Variants in SESN3 observed in about 807,000 individuals in gnomAD.
SESN3 encodes sestrin 3.
A neutral mutation model predicts 55.3 loss-of-function variants in SESN3; 21 were observed. That is an observed-to-expected ratio of 0.38 (90% CI 0.27 to 0.55). The LOEUF (loss-of-function observed/expected upper bound fraction) is 0.55. Among genes scored for constraint, SESN3 ranks in the 20% least tolerant of loss-of-function variants. The pLI is 0.76. For synonymous variants in SESN3, 181 were observed against 203.1 expected, an observed-to-expected ratio of 0.89 and a Z score of 0.93; for missense variants, 408 against 604.3, an observed-to-expected ratio of 0.68 and a Z score of 3.41.
intron 8 of SESN3, among the ~76,000 whole-genome samples, chr11:95,177,431 C>T (rs1256617089): frequency 6.6e-6 from 1 of 152,100 alleles, no homozygotes; most frequent in Non-Finnish European, 1.5e-5. Flanking sequence ...ACCTGTTCTT[C>T]CAGGAAGGAT....
intron 1 of SESN3, among the ~76,000 whole-genome samples, chr11:95,227,242 T>G (rs1261253885): frequency 2.6e-5 from 4 of 151,798 alleles, no homozygotes; most frequent in African/African-American, 9.7e-5. Context: ...CAGGCTGCAG[T>G]GCAGTGGCGT....
At chr11:95,180,453 C>T (rs763519200) in intron 6 of SESN3, among the ~76,000 whole-genome samples, 9 of 152,026 alleles carry the variant, frequency 5.9e-5, no homozygotes, top group Non-Finnish European at 1.0e-4. Context: ...ATTAAGTGCT[C>T]CGGTTACCCA....
chr11:95,200,213 G>A (rs746267620), intron 1 of SESN3, among the ~76,000 whole-genome samples: 2 of 152,004 alleles, frequency 1.3e-5, no homozygotes, highest in Non-Finnish European at 2.9e-5. Flanking sequence ...AAATAATGCT[G>A]ATGTAACCCT....
chr11:95,177,033 A>G (rs1395707904), intron 8 of SESN3, among the ~76,000 whole-genome samples: 1 of 152,188 alleles, frequency 6.6e-6, no homozygotes, highest in Non-Finnish European at 1.5e-5. Flanking sequence ...TGTCTGATAT[A>G]TATCTATATA....
intron 9 of SESN3, among the ~76,000 whole-genome samples, chr11:95,173,930 A>T (rs878908285): frequency 6.6e-6 from 1 of 152,042 alleles, no homozygotes; most frequent in Non-Finnish European, 1.5e-5. Flanking sequence ...AGTTTTCAAA[A>T]TTTACTATAA....
chr11:95,200,400 T>C (rs1394514843), intron 1 of SESN3, among the ~76,000 whole-genome samples: 4 of 151,516 alleles, frequency 2.6e-5, no homozygotes, highest in African/African-American at 4.8e-5. Flanking sequence ...AAAATATGTA[T>C]TGATGTTCAC....
intron 1 of SESN3, among the ~76,000 whole-genome samples, chr11:95,207,894 G>A (rs1263699825): frequency 6.6e-6 from 1 of 150,530 alleles, no homozygotes; most frequent in Admixed American, 6.7e-5. Flanking sequence ...GGCTGGTCTC[G>A]AACTCAAGAG....
intron 6 of SESN3, among the ~76,000 whole-genome samples, chr11:95,182,871 T>G (rs932557817): frequency 6.6e-6 from 1 of 152,126 alleles, no homozygotes; most frequent in African/African-American, 2.4e-5. Flanking sequence ...TGGGCCTGGA[T>G]GCTGTTTACC....
rs374686314 is a variant in SESN3, at chr11:95,227,880, C to T, written c.78+2903G>A. Among the ~76,000 whole-genome samples the T allele has an allele frequency of 3.9e-5, 6 of 152,112 alleles. No individual in the cohort carries two copies. The East Asian group carries it at 1.2e-3, about 29-fold the overall frequency. On this transcript the variant is annotated intron_variant, in intron 1 of 9. Coordinates refer to ENST00000536441, the MANE Select transcript of SESN3 (RefSeq NM_144665.4). ...AAGTAAAAGATTAAACTTAAAAACTCGTTAACTTTACAAAATAAATAGAAG... is the reference window on the plus strand; with the variant it reads ...AAGTAAAAGATTAAACTTAAAAACTTGTTAACTTTACAAAATAAATAGAAG...
intron 4 of SESN3, among the ~76,000 whole-genome samples, chr11:95,186,927 A>C (rs1260413110): frequency 6.6e-6 from 1 of 151,856 alleles, no homozygotes; most frequent in East Asian, 1.9e-4. Context: ...ATATTGACTG[A>C]AAAAAATTCT....
intron 5 of SESN3, among the ~76,000 whole-genome samples, chr11:95,184,880 A>T (rs1324565883): frequency 1.3e-5 from 2 of 152,020 alleles, no homozygotes; most frequent in Non-Finnish European, 2.9e-5. Context: ...AGTTTAGTTT[A>T]AAAAAATGAG....
chr11:95,173,157 G>T lies in SESN3; in HGVS notation c.*98C>A. On this transcript the variant is annotated 3_prime_UTR_variant, in exon 10 of 10. Coordinates refer to ENST00000536441, the MANE Select transcript of SESN3 (RefSeq NM_144665.4). ...CAAACGGCTAAACTTTGACACTAGA[G>T]AACTGAATAATTTTTGATGCTATAT... The T allele has an allele frequency of 1.5e-6, 1 of 652,466 alleles. No homozygotes were observed. The highest frequency in any genetic ancestry group is 2.6e-6 in the Non-Finnish European group (1 of 379,804). The allele number at this position is 652,466 out of a possible 1,614,324, so 40.4% of individuals were successfully genotyped here.
chr11:95,179,465 G>A (rs913132632), intron 6 of SESN3, among the ~76,000 whole-genome samples: 5 of 152,162 alleles, frequency 3.3e-5, no homozygotes, highest in Admixed American at 3.3e-4. Flanking sequence ...TCCAGGGGAT[G>A]AAGTGGGATG....
intron 7 of SESN3, 53 bp from the exon 8 acceptor site, chr11:95,177,962 C>T (rs1859989615): frequency 8.3e-7 from 1 of 1,202,690 alleles, no homozygotes; most frequent in Non-Finnish European, 1.2e-6. Context: ...CATCTAAATT[C>T]TATGTATTAT....
At chr11:95,177,587 A>T (rs568190708) in intron 8 of SESN3, 132 bp downstream of exon 8, 1 of 588,622 alleles carries the variant, frequency 1.7e-6, no homozygotes, top group Non-Finnish European at 2.9e-6. Flanking sequence ...AAATGAAATT[A>T]ATTTTTAAAA....
At chr11:95,173,783 C>A (rs1741430062) in intron 9 of SESN3, among the ~76,000 whole-genome samples, 1 of 151,594 alleles carries the variant, frequency 6.6e-6, no homozygotes, top group Non-Finnish European at 1.5e-5. Flanking sequence ...AAGTGAAAAT[C>A]TGATGTTTAA....
intron 2 of SESN3, among the ~76,000 whole-genome samples, chr11:95,191,945 CA>C (rs1286688447): frequency 6.6e-6 from 1 of 152,056 alleles, no homozygotes; most frequent in African/African-American, 2.4e-5. Flanking sequence ...TGGTAAAGCA[CA>C]GGCAGTAGCA....
rs1861052091 is a variant in SESN3 at position 95,231,060 on chromosome 11, CGACGGCGGA to C, written c.-209_-201del. ...GCGACCACCGCGGCAGCTGCCCCAG[CGACGGCGGA>C]GACGGCGGCGGCTGCTCCTCACCGG... is the stretch of plus-strand genomic sequence containing the variant. On this transcript the variant is annotated 5_prime_UTR_variant, in exon 1 of 10. Coordinates refer to ENST00000536441, the MANE Select transcript of SESN3 (RefSeq NM_144665.4). 3 of 414,954 alleles carry C rather than the reference CGACGGCGGA, an allele frequency of 7.2e-6. No homozygotes were observed. The highest frequency in any genetic ancestry group is 2.1e-5 in the African/African-American group (1 of 48,572). 25.7% of individuals were successfully genotyped at this position (414,954 alleles called of 1,614,324 possible).
chr11:95,224,416 T>C, intron 1 of SESN3: 1 of 422,794 alleles, frequency 2.4e-6, no homozygotes, highest in Non-Finnish European at 4.6e-6. Context: ...ACAATCATTG[T>C]CAGTGATAAA....
Sources: gnomAD v4.1 joint callset for allele counts (sites outside exome capture counted in the v4.1 genomes callset) on GRCh38, gnomAD v4.1.1 for gene constraint, MANE v1.5 for transcripts, NCBI Gene and HGNC (gene_info 2026-07-23, HGNC 2026-07-21) for gene names.